PRDM6: variants seen among roughly 807,000 people sequenced by gnomAD.
PRDM6 encodes the protein PR/SET domain 6, also known as putative histone-lysine N-methyltransferase PRDM6.
In PRDM6, 25 loss-of-function variants were observed where a neutral mutation model predicts 60.8. That is an observed-to-expected ratio of 0.41 (90% CI 0.30 to 0.57). The LOEUF (loss-of-function observed/expected upper bound fraction) is 0.57. Among genes scored for constraint, PRDM6 ranks in the 20% least tolerant of loss-of-function variants. The pLI is 0.27. For missense variants in PRDM6, 839 were observed against 821.3 expected, an observed-to-expected ratio of 1.02 and a Z score of -0.26; for synonymous variants, 407 against 357.4, an observed-to-expected ratio of 1.14 and a Z score of -1.57.
At chr5:123,124,717 T>C (rs2150219749) in intron 3 of PRDM6, among the ~76,000 whole-genome samples, 1 of 152,260 alleles carries the variant, frequency 6.6e-6, no homozygotes. Flanking sequence ...ATCCGGAAAA[T>C]TTATGGTTAA....
chr5:123,122,511 T>G (rs952994279), intron 3 of PRDM6, among the ~76,000 whole-genome samples: 1 of 152,202 alleles, frequency 6.6e-6, no homozygotes, highest in Non-Finnish European at 1.5e-5. Context: ...TCTGATTGCT[T>G]CTTTTGTTCC....
chr5:123,170,840 C>T lies in PRDM6; in HGVS notation c.1228C>T (p.Leu410Phe), dbSNP rs1385545105. The T allele has an allele frequency of 6.4e-7, 1 of 1,552,248 alleles. No individual in the cohort carries two copies. Among genetic ancestry groups the T allele is most frequent in the Non-Finnish European group, 8.7e-7 (1 of 1,147,122 alleles). Residue 410 changes from leucine to phenylalanine, a missense_variant, in exon 6 of 8, where the codon CTC becomes TTC. By Grantham distance (22) the Leu-to-Phe change is conservative. Transcript: ENST00000407847. ...GCAGCCCTTCAACAAAAGCAGCAAA[C>T]TCGCCCCTACCACCCAGCAGCGCTC... is the stretch of plus-strand genomic sequence containing the variant. ...ALQPFNKSSK[L>F]APTTQQRSVV...
At position 123,090,266 on chromosome 5, in the gene PRDM6, T is replaced by C; in HGVS notation, c.252T>C (p.Ala84=). Residue 84 remains alanine, a synonymous_variant, in exon 2 of 8, where the codon GCT becomes GCC. Coordinates refer to ENST00000407847, the MANE Select transcript of PRDM6 (RefSeq NM_001136239.4). ...TCTCCTCCGCCTCGTCCACGCCGGC[T>C]TCCTCTTCCACCTCCGCCTCCTCCG... is the stretch of plus-strand genomic sequence containing the variant. ...ASLSSASSTP[A]SSSTSASSAS... 1 of 1,310,166 alleles carries C rather than the reference T, an allele frequency of 7.6e-7. No homozygotes were observed. The highest frequency in any genetic ancestry group is 1.6e-5 in the African/African-American group (1 of 62,434). The allele number at this position is 1,310,166 out of a possible 1,614,324, so 81.2% of individuals were successfully genotyped here. A position where few individuals can be genotyped will look rare whatever the true frequency, so the allele number is the denominator to read the frequency against.
At chr5:123,115,479 G>T (rs565113327) in intron 3 of PRDM6, among the ~76,000 whole-genome samples, 1 of 152,034 alleles carries the variant, frequency 6.6e-6, no homozygotes, top group African/African-American at 2.4e-5. Context: ...CGCACACACT[G>T]TTATCAAAAT....
At chr5:123,159,677 T>C in intron 5 of PRDM6, 39 bp downstream of exon 5, 1 of 1,540,482 alleles carries the variant, frequency 6.5e-7, no homozygotes, top group Non-Finnish European at 8.8e-7. Flanking sequence ...CATTTCAATA[T>C]ACCTATTTCA....
intron 3 of PRDM6, among the ~76,000 whole-genome samples, chr5:123,124,316 G>T (rs145785752): frequency 1.3e-5 from 2 of 152,134 alleles, no homozygotes; most frequent in Non-Finnish European, 2.9e-5. Flanking sequence ...TTAGACACTC[G>T]CATTTGTAGA....
chr5:123,158,409 G>A (rs1765555567), intron 4 of PRDM6, among the ~76,000 whole-genome samples: 1 of 152,194 alleles, frequency 6.6e-6, no homozygotes, highest in Non-Finnish European at 1.5e-5. Context: ...TGGAGTTTTT[G>A]TCAGATATTC....
chr5:123,159,483 A>C, intron 4 of PRDM6, 31 bp from the exon 5 acceptor site: 1 of 1,548,924 alleles, frequency 6.5e-7, no homozygotes, highest in Non-Finnish European at 8.7e-7. Flanking sequence ...CCTATGTATT[A>C]CTAAGCTGGG....
At chr5:123,136,910 G>A (rs776906678) in intron 3 of PRDM6, among the ~76,000 whole-genome samples, 2 of 152,186 alleles carry the variant, frequency 1.3e-5, no homozygotes, top group Non-Finnish European at 2.9e-5. Flanking sequence ...TTTGCATTGT[G>A]GTTTGGTGGC....
chr5:123,182,760 A>G (rs897441445), intron 7 of PRDM6, among the ~76,000 whole-genome samples: 2 of 152,146 alleles, frequency 1.3e-5, no homozygotes, highest in South Asian at 2.1e-4. Flanking sequence ...AATTCTGTGT[A>G]TATGTTTTAG....
At chr5:123,172,067 G>A (rs960793000) in intron 6 of PRDM6, among the ~76,000 whole-genome samples, 2 of 152,060 alleles carry the variant, frequency 1.3e-5, no homozygotes, top group Admixed American at 1.3e-4. Flanking sequence ...TGGAAGCAGG[G>A]CTCTTGGGTT....
chr5:123,177,644 A>G (rs1283702815), intron 6 of PRDM6, among the ~76,000 whole-genome samples: 1 of 152,212 alleles, frequency 6.6e-6, no homozygotes, highest in African/African-American at 2.4e-5. Flanking sequence ...AGCTCCATGT[A>G]TAGGGAGCTG....
chr5:123,102,423 A>G (rs911197501), intron 3 of PRDM6, among the ~76,000 whole-genome samples: 1 of 152,094 alleles, frequency 6.6e-6, no homozygotes, highest in African/African-American at 2.4e-5. Flanking sequence ...CTTAAATTTT[A>G]GTTCTTTCTT....
chr5:123,182,659 T>A (rs1433244017), intron 7 of PRDM6, among the ~76,000 whole-genome samples: 1 of 152,264 alleles, frequency 6.6e-6, no homozygotes, highest in African/African-American at 2.4e-5. Flanking sequence ...AGGGCTTTGC[T>A]GATTGTATTT....
chr5:123,139,879 G>A (rs1268794555), intron 3 of PRDM6, among the ~76,000 whole-genome samples: 3 of 152,098 alleles, frequency 2.0e-5, no homozygotes, highest in African/African-American at 7.2e-5. Flanking sequence ...CCTGGAAGGA[G>A]GAAGGATGGG....
intron 5 of PRDM6, among the ~76,000 whole-genome samples, chr5:123,162,224 C>T (rs193043103): frequency 1.2e-3 from 177 of 152,284 alleles, no homozygotes; most frequent in African/African-American, 4.2e-3. Context: ...CCACATGGTG[C>T]TTCCACCTGA....
chr5:123,098,651 T>C (rs1764018280), intron 2 of PRDM6, among the ~76,000 whole-genome samples: 1 of 152,196 alleles, frequency 6.6e-6, no homozygotes, highest in Non-Finnish European at 1.5e-5. Flanking sequence ...CAGCTTTATC[T>C]ACAGCTTCAC....
At chr5:123,094,316 A>G (rs916517263) in intron 2 of PRDM6, among the ~76,000 whole-genome samples, 1 of 152,098 alleles carries the variant, frequency 6.6e-6, no homozygotes, top group African/African-American at 2.4e-5. Context: ...ACCGAGGAAC[A>G]TCCACTGCGC....
chr5:123,092,473 T>C (rs1288910665), intron 2 of PRDM6, among the ~76,000 whole-genome samples: 1 of 152,182 alleles, frequency 6.6e-6, no homozygotes, highest in African/African-American at 2.4e-5. Flanking sequence ...TAATACGTTT[T>C]CACCAGAGAA....
Sources: allele counts gnomAD v4.1 joint callset (sites outside exome capture counted in the v4.1 genomes callset), GRCh38; gene constraint gnomAD v4.1.1; transcripts MANE v1.5; gene names NCBI Gene and HGNC (gene_info 2026-07-23, HGNC 2026-07-21).